COL5A2: variants seen among roughly 807,000 people sequenced by gnomAD.
The protein encoded by COL5A2 is collagen type V alpha 2 chain.
A neutral mutation model predicts 208.2 loss-of-function variants in COL5A2; 23 were observed. That is an observed-to-expected ratio of 0.11 (90% CI 0.08 to 0.16). COL5A2 has a LOEUF of 0.16. COL5A2 is among the 10% of genes least tolerant of loss of function. COL5A2 has a pLI of 1.00. For missense variants in COL5A2, 1,590 were observed against 1,956.4 expected (o/e 0.81, Z 3.53); for synonymous variants, 625 against 628.5 (o/e 0.99, Z 0.08).
Position 189,105,647 on chromosome 2 carries a change from T to G in COL5A2, c.323-1370A>C, listed in dbSNP as rs779607648. On this transcript the variant is annotated intron_variant, in intron 2 of 53. Transcript: ENST00000374866. ...TGCAAACATTTCTACTTTGCTCATT[T>G]TTTGTGTCACACAAATGTTTATTAT... is the stretch of plus-strand genomic sequence containing the variant. Among the ~76,000 whole-genome samples the G allele has an allele frequency of 3.9e-4, 59 of 151,646 alleles. 1 individual carries two copies. The highest frequency in any genetic ancestry group is 8.9e-5 in the Non-Finnish European group (6 of 67,536).
At chr2:189,064,930 G>A in intron 24 of COL5A2, 74 bp downstream of exon 24, 1 of 1,409,320 alleles carries the variant, frequency 7.1e-7, no homozygotes, top group East Asian at 2.3e-5. Flanking sequence ...GCCATAGCTA[G>A]ATCACCGTGC....
intron 1 of COL5A2, among the ~76,000 whole-genome samples, chr2:189,164,975 C>T (rs906023491): frequency 6.6e-6 from 1 of 152,166 alleles, no homozygotes; most frequent in Non-Finnish European, 1.5e-5. Flanking sequence ...TGCATGCCAT[C>T]CCTCACAAAA....
the COL5A2 span, among the ~76,000 whole-genome samples, chr2:189,366,873 G>A: frequency 3.9e-5 from 6 of 152,088 alleles, no homozygotes; most frequent in East Asian, 5.8e-4. Context: ...TCATTGTCAC[G>A]ACTTTCTCAA....
At chr2:189,226,469 T>C (rs1289076108), upstream of COL5A2, among the ~76,000 whole-genome samples, 3 of 152,082 alleles carry the variant, frequency 2.0e-5, no homozygotes, top group Non-Finnish European at 4.4e-5. Flanking sequence ...TGTCACCCTC[T>C]CACCATAGTC....
chr2:189,330,539 A>T, the COL5A2 span, among the ~76,000 whole-genome samples: 11 of 152,180 alleles, frequency 7.2e-5, no homozygotes, highest in Non-Finnish European at 1.2e-4. Context: ...GAGCAAAGAA[A>T]ATTCTTCAGT....
chr2:189,382,808 T>A, the COL5A2 span, among the ~76,000 whole-genome samples: 1 of 152,146 alleles, frequency 6.6e-6, no homozygotes, highest in Non-Finnish European at 1.5e-5. Context: ...AAGTACATTC[T>A]CAAAGACAGG....
chr2:189,178,188 C>G (rs1043666022), intron 1 of COL5A2, among the ~76,000 whole-genome samples: 2 of 152,042 alleles, frequency 1.3e-5, no homozygotes, highest in African/African-American at 4.8e-5. Context: ...TAAAACGTAA[C>G]ATAAAAAGCT....
chr2:189,115,817 C>G (rs543957182), intron 1 of COL5A2, among the ~76,000 whole-genome samples: 1 of 152,290 alleles, frequency 6.6e-6, no homozygotes, highest in East Asian at 1.9e-4. Flanking sequence ...GGAACTAGTT[C>G]ATTGATATGC....
At chr2:189,406,193 T>C in the COL5A2 span, among the ~76,000 whole-genome samples, 5 of 152,166 alleles carry the variant, frequency 3.3e-5, no homozygotes, top group Non-Finnish European at 5.9e-5. Context: ...ATCAAACATG[T>C]GTTGGAAATT....
In COL5A2 at chr2:189,088,678, G is replaced by T. The variant is rs764226113; in HGVS notation, c.645+17C>A. 2 of 1,601,798 alleles carry T rather than the reference G, an allele frequency of 1.2e-6. No individual in the cohort carries two copies. Among genetic ancestry groups the T allele is most frequent in the South Asian group, 2.2e-5 (2 of 90,828 alleles). ...TTTCACTGAAGTACTTCAATGATCAGTAAAATTTATGCTTACCACAGAGCC... is the reference window on the plus strand; with the variant it reads ...TTTCACTGAAGTACTTCAATGATCATTAAAATTTATGCTTACCACAGAGCC... On this transcript the variant is annotated intron_variant, in intron 8 of 53. Transcript: ENST00000374866.
chr2:189,101,739 G>A (rs971927377), intron 3 of COL5A2, among the ~76,000 whole-genome samples: 4 of 151,984 alleles, frequency 2.6e-5, no homozygotes, highest in Non-Finnish European at 5.9e-5. Context: ...TGATTCTAAT[G>A]TTGAAGCAGC....
At chr2:189,236,275 C>T in the COL5A2 span, among the ~76,000 whole-genome samples, 1 of 151,624 alleles carries the variant, frequency 6.6e-6, no homozygotes, top group Admixed American at 6.6e-5. Flanking sequence ...TCCTATAAAT[C>T]ATCAAAACTG....
rs1686161053 is a variant in COL5A2 at position 189,066,759 on chromosome 2, G to A, written c.1425C>T (p.Phe475=). 23 of 1,613,494 alleles carry A rather than the reference G, an allele frequency of 1.4e-5. No homozygotes were observed. The highest frequency in any genetic ancestry group is 1.9e-5 in the Non-Finnish European group (22 of 1,179,602). ...GQPGDPGVPG[F]KGEAGPKGEP... is the part of the protein sequence containing the mutation. ...CCCCTTTTGGGCCAGCTTCTCCTTT[G>A]AAACCTGGAACTCCTGGATCACCCT... is the stretch of plus-strand genomic sequence containing the variant. The change falls in exon 22 of 54, where the codon TTC becomes TTT. Residue 475 remains phenylalanine, a synonymous_variant. Transcript: ENST00000374866.
At chr2:189,270,953 T>C in the COL5A2 span, among the ~76,000 whole-genome samples, 8 of 152,084 alleles carry the variant, frequency 5.3e-5, no homozygotes, top group African/African-American at 9.7e-5. Flanking sequence ...TTATGAGGGA[T>C]GTGAAGGACG....
At chr2:189,237,123 C>T in the COL5A2 span, among the ~76,000 whole-genome samples, 1 of 151,690 alleles carries the variant, frequency 6.6e-6, no homozygotes, top group Admixed American at 6.6e-5. Context: ...CTGGTTTACT[C>T]TTTTGATCTA....
At chr2:189,331,765 A>G in the COL5A2 span, among the ~76,000 whole-genome samples, 1 of 152,154 alleles carries the variant, frequency 6.6e-6, no homozygotes, top group Admixed American at 6.5e-5. Context: ...CCTGGCTAAC[A>G]TGGTGAAACC....
At chr2:189,164,064 G>A (rs1688420069) in intron 1 of COL5A2, among the ~76,000 whole-genome samples, 1 of 152,170 alleles carries the variant, frequency 6.6e-6, no homozygotes, top group African/African-American at 2.4e-5. Flanking sequence ...ATACCAGAAT[G>A]TAGACAGGCC....
At chr2:189,396,231 G>A in the COL5A2 span, among the ~76,000 whole-genome samples, 16 of 152,268 alleles carry the variant, frequency 1.1e-4, no homozygotes, top group South Asian at 3.3e-3. Flanking sequence ...CTCATTCACA[G>A]TTTGCTTCTA....
At chr2:189,143,243 T>A (rs1183538094) in intron 1 of COL5A2, among the ~76,000 whole-genome samples, 3 of 152,196 alleles carry the variant, frequency 2.0e-5, no homozygotes, top group Non-Finnish European at 4.4e-5. Context: ...CTCCTTGTCA[T>A]ACTATGAACC....
Sources: gnomAD v4.1 joint callset for allele counts (sites outside exome capture counted in the v4.1 genomes callset) on GRCh38, gnomAD v4.1.1 for gene constraint, MANE v1.5 for transcripts, NCBI Gene and HGNC (gene_info 2026-07-23, HGNC 2026-07-21) for gene names.